Variants in CERS6 observed in about 807,000 individuals in gnomAD.
CERS6 encodes the protein ceramide synthase 6.
CERS6 carries 26 observed loss-of-function variants against 56.8 expected under a neutral mutation model. That is an observed-to-expected ratio of 0.46 (90% CI 0.34 to 0.63). The LOEUF (loss-of-function observed/expected upper bound fraction) is 0.63. Ranked by LOEUF, CERS6 falls within the 30% of genes least tolerant of loss-of-function variation. The pLI is 0.01. For synonymous variants in CERS6, 164 were observed against 173.3 expected (o/e 0.95, Z 0.42); for missense variants, 415 against 467.5 (o/e 0.89, Z 1.04).
At chr2:168,677,654 C>T (rs62174388) in intron 4 of CERS6, among the ~76,000 whole-genome samples, 49 of 152,178 alleles carry the variant, frequency 3.2e-4, no homozygotes, top group South Asian at 1.0e-3. Flanking sequence ...TGCACCACCA[C>T]GCCTGGCTAA....
chr2:168,609,758 G>A (rs897116230), intron 3 of CERS6, among the ~76,000 whole-genome samples: 3 of 151,840 alleles, frequency 2.0e-5, no homozygotes, highest in Admixed American at 6.6e-5. Flanking sequence ...TGTTCTCTTC[G>A]GCCTCTCTAC....
intron 8 of CERS6, among the ~76,000 whole-genome samples, chr2:168,723,692 G>A (rs887184634): frequency 6.6e-6 from 1 of 152,136 alleles, no homozygotes; most frequent in African/African-American, 2.4e-5. Context: ...TGTTAATACT[G>A]TTATGAGTTT....
chr2:168,597,038 G>A (rs761489258), intron 3 of CERS6, among the ~76,000 whole-genome samples: 5 of 152,072 alleles, frequency 3.3e-5, no homozygotes, highest in African/African-American at 7.2e-5. Context: ...GGTGAACATT[G>A]AAGTCAATAT....
chr2:168,472,060 A>G (rs1693987580), intron 1 of CERS6, among the ~76,000 whole-genome samples: 1 of 152,144 alleles, frequency 6.6e-6, no homozygotes, highest in African/African-American at 2.4e-5. Context: ...TTGGGCTTAA[A>G]ATTCCATCTT....
intron 3 of CERS6, among the ~76,000 whole-genome samples, chr2:168,574,028 C>T (rs965899478): frequency 6.6e-6 from 1 of 152,108 alleles, no homozygotes; most frequent in East Asian, 1.9e-4. Flanking sequence ...CTAACGTTGT[C>T]CTTTAGATGT....
intron 1 of CERS6, among the ~76,000 whole-genome samples, chr2:168,482,440 T>G (rs575915774): frequency 1.3e-4 from 20 of 152,360 alleles, no homozygotes; most frequent in African/African-American, 4.8e-4. Context: ...TCTCACCTAG[T>G]TCAGGAATGT....
At chr2:168,516,716 A>C (rs1219785195) in intron 1 of CERS6, among the ~76,000 whole-genome samples, 1 of 152,188 alleles carries the variant, frequency 6.6e-6, no homozygotes, top group East Asian at 1.9e-4. Context: ...GTTATTTGAT[A>C]TGTGACCTTA....
At chr2:168,545,165 A>G (rs1300733415) in intron 1 of CERS6, among the ~76,000 whole-genome samples, 1 of 152,220 alleles carries the variant, frequency 6.6e-6, no homozygotes, top group Non-Finnish European at 1.5e-5. Context: ...GTATTTGTAG[A>G]AACACATACA....
chr2:168,459,417 A>G (rs1464328878), intron 1 of CERS6, among the ~76,000 whole-genome samples: 2 of 152,250 alleles, frequency 1.3e-5, no homozygotes, highest in Non-Finnish European at 2.9e-5. Flanking sequence ...ATTGGTAGCC[A>G]GAACATGTCA....
chr2:168,545,329 A>G (rs1165455477), intron 1 of CERS6, among the ~76,000 whole-genome samples: 1 of 152,236 alleles, frequency 6.6e-6, no homozygotes, highest in East Asian at 1.9e-4. Context: ...TTAACAAAGC[A>G]TCATATTTAT....
chr2:168,701,281 T>C (rs1686798922), intron 6 of CERS6, among the ~76,000 whole-genome samples: 1 of 152,236 alleles, frequency 6.6e-6, no homozygotes, highest in Non-Finnish European at 1.5e-5. Context: ...ATAATATGGC[T>C]AGTTATCATT....
At chr2:168,753,619 A>G (rs750920896) in intron 8 of CERS6, among the ~76,000 whole-genome samples, 2 of 152,194 alleles carry the variant, frequency 1.3e-5, no homozygotes, top group Non-Finnish European at 2.9e-5. Flanking sequence ...TCTCTTGCCA[A>G]CCTAAAGATA....
intron 8 of CERS6, among the ~76,000 whole-genome samples, chr2:168,724,529 T>TACAATC (rs1377834495): frequency 6.6e-6 from 1 of 152,038 alleles, no homozygotes; most frequent in African/African-American, 2.4e-5. Flanking sequence ...TTGGTGCTTT[T>TACAATC]ACAATCTCTG....
At chr2:168,481,071 A>T (rs1694168546) in intron 1 of CERS6, among the ~76,000 whole-genome samples, 1 of 152,224 alleles carries the variant, frequency 6.6e-6, no homozygotes, top group Non-Finnish European at 1.5e-5. Context: ...TGACTCGCAG[A>T]GAGGCATCTG....
chr2:168,456,728 C>T lies in CERS6; in HGVS notation c.170+110C>T. ...CGCGCCCCCAACGCTCGCGTTCACGCCTCCCAACCTTTGTGTTCGGGGAGG... is the reference window on the plus strand; with the variant it reads ...CGCGCCCCCAACGCTCGCGTTCACGTCTCCCAACCTTTGTGTTCGGGGAGG... On this transcript the variant is annotated intron_variant, in intron 1 of 9. Transcript: ENST00000305747. This position sits in a 1 kb window ranked among gnomAD's most constrained non-coding sequence, Gnocchi z 4.1. 1 of 1,036,430 alleles carries T rather than the reference C, an allele frequency of 9.6e-7. No individual in the cohort carries two copies. The highest frequency in any genetic ancestry group is 1.5e-5 in the South Asian group (1 of 65,656). 64.2% of individuals were successfully genotyped at this position (1,036,430 alleles called of 1,614,324 possible). A position where few individuals can be genotyped will look rare whatever the true frequency, so the allele number is the denominator to read the frequency against.
intron 3 of CERS6, among the ~76,000 whole-genome samples, chr2:168,569,455 C>T (rs1032094601): frequency 6.6e-5 from 10 of 152,146 alleles, no homozygotes; most frequent in Non-Finnish European, 1.3e-4. Context: ...GTTGCAATGC[C>T]GGATGCGTGT....
chr2:168,687,927 C>T (rs1372361548), intron 4 of CERS6, among the ~76,000 whole-genome samples: 2 of 152,164 alleles, frequency 1.3e-5, no homozygotes, highest in Non-Finnish European at 2.9e-5. Flanking sequence ...CGGTCTTGAG[C>T]TCCTGGGCTC....
At chr2:168,594,383 G>C (rs1282517304) in intron 3 of CERS6, among the ~76,000 whole-genome samples, 3 of 152,258 alleles carry the variant, frequency 2.0e-5, no homozygotes, top group Admixed American at 1.3e-4. Flanking sequence ...CCAGGAGTTT[G>C]AGACCAGCCT....
At chr2:168,659,472 C>A (rs1305636605) in intron 4 of CERS6, among the ~76,000 whole-genome samples, 1 of 152,146 alleles carries the variant, frequency 6.6e-6, no homozygotes, top group Admixed American at 6.5e-5. Context: ...TGCTAATACA[C>A]ATTGTTCATC....
Sources: gnomAD v4.1 joint callset for allele counts (sites outside exome capture counted in the v4.1 genomes callset) on GRCh38, gnomAD v4.1.1 for gene constraint, Gnocchi (gnomAD v3.1) non-coding constraint, MANE v1.5 for transcripts, NCBI Gene and HGNC (gene_info 2026-07-23, HGNC 2026-07-21) for gene names.